IGSF9: variants seen among roughly 807,000 people sequenced by gnomAD.
The protein encoded by IGSF9 is immunoglobulin superfamily member 9, also known as protein turtle homolog A.
Under a neutral mutation model 121.7 loss-of-function variants are expected in IGSF9, and 87 were observed. That is an observed-to-expected ratio of 0.71 (90% CI 0.60 to 0.85). The LOEUF is 0.85. Ranked by LOEUF, IGSF9 falls within the 40% of genes least tolerant of loss-of-function variation. The pLI, the probability that IGSF9 is intolerant of heterozygous loss-of-function variation, is 0.00. For synonymous variants in IGSF9, 640 were observed against 648.4 expected (o/e 0.99, Z 0.20); for missense variants, 1,462 against 1,565.3 (o/e 0.93, Z 1.11).
At chr1:159,927,944 T>G in intron 19 of IGSF9, 57 bp from the exon 20 acceptor site, 1 of 1,578,982 alleles carries the variant, frequency 6.3e-7, no homozygotes, top group African/African-American at 1.4e-5. Context: ...TAGAGGCTGT[T>G]CAGAAAAGTC....
At position 159,934,672 on chromosome 1, in the gene IGSF9, T is replaced by C; in HGVS notation, c.815+9A>G. ...CCCACCTCCACCTTCCTAATGAGGG[T>C]GACCCCACCTAATGTGGAAGACATT... On this transcript the variant is annotated intron_variant, in intron 7 of 20. Transcript: ENST00000368094. 1 of 1,614,170 alleles carries C rather than the reference T, an allele frequency of 6.2e-7. No homozygotes were observed. The highest frequency in any genetic ancestry group is 1.1e-5 in the South Asian group (1 of 91,084).
In IGSF9 at chr1:159,943,475, C is replaced by A; in HGVS notation, c.-21G>T. On this transcript the variant is annotated 5_prime_UTR_variant, in exon 2 of 21. Coordinates refer to ENST00000368094, the MANE Select transcript of IGSF9 (RefSeq NM_001135050.2). ...ACCATAGCCCAGCTGGCCTGCTCAC[C>A]CAGCCCCTCCTATCCACAGGAGCCC... The A allele has an allele frequency of 6.5e-7, 1 of 1,540,170 alleles. No homozygotes were observed. The highest frequency in any genetic ancestry group is 8.7e-7 in the Non-Finnish European group (1 of 1,143,416).
rs767211801 is a variant in IGSF9, at chr1:159,928,833, C to T, written c.2555G>A (p.Arg852His). 6 of 1,537,764 alleles carry T rather than the reference C, an allele frequency of 3.9e-6. No individual in the cohort carries two copies. Among genetic ancestry groups the T allele is most frequent in the South Asian group, 2.5e-5 (2 of 80,402 alleles). The change falls in exon 19 of 21, where the codon CGC becomes CAC. Residue 852 changes from arginine (R) to histidine (H), a missense_variant. By Grantham distance (29) the Arg-to-His change is conservative (BLOSUM62 0). Coordinates refer to ENST00000368094, the MANE Select transcript of IGSF9 (RefSeq NM_001135050.2). ...CGCCACAGTGGGCCCCATCACAAAG[C>T]GCCCGTCTGGGCCCCGGCAAATGGG... ...LEPICRGPDG[R>H]FVMGPTVAAP...
In IGSF9 at chr1:159,927,275, C is replaced by G; in HGVS notation, c.*70G>C. On this transcript the variant is annotated 3_prime_UTR_variant, in exon 21 of 21. Coordinates refer to ENST00000368094, the MANE Select transcript of IGSF9 (RefSeq NM_001135050.2). ...GCAGGGGCAGTGCCCTCGTTTGAAA[C>G]TAGGTCTGTCTGGTTGGGGGCCTCC... 2 of 1,586,880 alleles carry G rather than the reference C, an allele frequency of 1.3e-6. No homozygotes were observed. Among genetic ancestry groups the G allele is most frequent in the Admixed American group, 3.3e-5 (2 of 59,922 alleles).
Position 159,930,949 on chromosome 1 carries a change from C to T in IGSF9, c.1638-82G>A, listed in dbSNP as rs1650975515. 3.4e-6 allele frequency: 5 copies of T among 1,452,258 alleles called. No homozygotes were observed. In the South Asian group the frequency reaches 6.8e-5, roughly 20 times the overall value. 90.0% of individuals were successfully genotyped at this position (1,452,258 alleles called of 1,614,324 possible). A position where few individuals can be genotyped will look rare whatever the true frequency, so the allele number is the denominator to read the frequency against. ...GGGGTCCAGAGATCTAACCACCTCC[C>T]CTCTGCTCAACCATCCAAGGTCTCA... On this transcript the variant is annotated intron_variant, in intron 13 of 20. Transcript: ENST00000368094.
chr1:159,932,418 C>G lies in IGSF9; in HGVS notation c.1245+94G>C. The G allele has an allele frequency of 4.3e-4, 344 of 801,238 alleles. No individual in the cohort carries two copies. The highest frequency in any genetic ancestry group is 5.2e-4 in the Non-Finnish European group (262 of 501,974). The allele number at this position is 801,238 out of a possible 1,614,324, so 49.6% of individuals were successfully genotyped here. A position where few individuals can be genotyped will look rare whatever the true frequency, so the allele number is the denominator to read the frequency against. ...AACTTGGAAACCCCTCCCCATGTGTCTGCCCCACCCCACCCCCATCAGCCT... is the reference window on the plus strand; with the variant it reads ...AACTTGGAAACCCCTCCCCATGTGTGTGCCCCACCCCACCCCCATCAGCCT... On this transcript the variant is annotated intron_variant, in intron 10 of 20. Transcript: ENST00000368094. The surrounding 1 kb of genome is among the most constrained non-coding windows in gnomAD (Gnocchi z 4.1).
intron 3 of IGSF9, among the ~76,000 whole-genome samples, 181 bp from the exon 4 acceptor site, chr1:159,938,019 C>T (rs1353996362): frequency 6.6e-6 from 1 of 152,190 alleles, no homozygotes; most frequent in Non-Finnish European, 1.5e-5. Flanking sequence ...CTCCATTCGG[C>T]CCCTCTGACC....
At chr1:159,944,401 C>T (rs897833375) in intron 1 of IGSF9, among the ~76,000 whole-genome samples, 5 of 152,112 alleles carry the variant, frequency 3.3e-5, no homozygotes, top group Non-Finnish European at 5.9e-5. Context: ...GGACAGGTCC[C>T]GGGGCTGGCA....
intron 16 of IGSF9, 30 bp from the exon 17 acceptor site, chr1:159,929,844 T>A (rs779807659): frequency 1.9e-6 from 3 of 1,593,632 alleles, no homozygotes; most frequent in Non-Finnish European, 2.6e-6. Context: ...GGAGGGTCAG[T>A]GGACTCGGAG....
At position 159,931,052 on chromosome 1, in the gene IGSF9, G is replaced by T. The variant is rs1217254436; in HGVS notation, c.1637+86C>A. 1 of 1,583,742 alleles carries T rather than the reference G, an allele frequency of 6.3e-7. No individual in the cohort carries two copies. Among genetic ancestry groups the T allele is most frequent in the Admixed American group, 1.7e-5 (1 of 58,276 alleles). ...ACTGGTGAGGGATAGAGGGACAGAA[G>T]AAAGGGCAGAAGGCCAGATAGGTTC... On this transcript the variant is annotated intron_variant, in intron 13 of 20. Coordinates refer to ENST00000368094, the MANE Select transcript of IGSF9 (RefSeq NM_001135050.2). The surrounding 1 kb of genome is among the most constrained non-coding windows in gnomAD (Gnocchi z 4.8).
At chr1:159,930,011 GGCCCAGCACC>G (rs773220597) in intron 15 of IGSF9, 36 bp from the exon 16 acceptor site, 11 of 1,587,990 alleles carry the variant, frequency 6.9e-6, no homozygotes, top group African/African-American at 1.3e-5. Context: ...GGGAGGTCAG[GGCCCAGCACC>G]GCCCAACCCA....
chr1:159,933,903 A>G (rs1199363073), intron 9 of IGSF9: 1 of 460,812 alleles, frequency 2.2e-6, no homozygotes, highest in Non-Finnish European at 3.9e-6. Flanking sequence ...TCATCACACG[A>G]AAGAAACTTC....
chr1:159,927,485 G>T lies in IGSF9; in HGVS notation c.3400C>A (p.His1134Asn), dbSNP rs1362012900. Reference sequence around the variant, plus strand: ...CAGCGGGCCTCAGGGCCAGTAACATGGGCAGTGTTCAGGAGGCAGCCCTCC... The same window carrying T: ...CAGCGGGCCTCAGGGCCAGTAACATTGGCAGTGTTCAGGAGGCAGCCCTCC... ...PEEGCLLNTA[H>N]VTGPEARCAA... Residue 1134 changes from histidine to asparagine, a missense_variant, in exon 21 of 21, where the codon CAT (histidine) becomes AAT (asparagine). Physicochemically the swap from His to Asn is moderately conservative, Grantham distance 68. Transcript: ENST00000368094. The T allele has an allele frequency of 1.2e-6, 2 of 1,614,140 alleles. No homozygotes were observed. Among genetic ancestry groups the T allele is most frequent in the Admixed American group, 3.3e-5 (2 of 60,030 alleles).
intron 9 of IGSF9, 180 bp downstream of exon 9, chr1:159,934,010 A>T (rs1418599780): frequency 1.4e-6 from 1 of 691,734 alleles, no homozygotes; most frequent in Non-Finnish European, 2.4e-6. Context: ...AACCATGGAA[A>T]TTTTTCCTCA....
At chr1:159,936,610 G>A in intron 5 of IGSF9, 94 bp from the exon 6 acceptor site, 1 of 1,525,418 alleles carries the variant, frequency 6.6e-7, no homozygotes. Context: ...CAGCACCCCA[G>A]GCTCGGGGCA....
Position 159,929,697 on chromosome 1 carries a change from G to A in IGSF9, c.2267C>T (p.Ala756Val), listed in dbSNP as rs1328988522. 6.3e-7 allele frequency: 1 copy of A among 1,598,490 alleles called. No homozygotes were observed. Among genetic ancestry groups the A allele is most frequent in the South Asian group, 1.1e-5 (1 of 88,520 alleles). ...LGVAVLVSIL[A>V]GCLLNRRRAA... Reference sequence around the variant, plus strand: ...CCTGCGCCGGTTCAGGAGGCAGCCGGCCAGGATGCTCACAAGGACGGCCAC... The same window carrying A: ...CCTGCGCCGGTTCAGGAGGCAGCCGACCAGGATGCTCACAAGGACGGCCAC... The change falls in exon 17 of 21, where the codon GCC becomes GTC. Residue 756 changes from alanine (A) to valine (V), a missense_variant. By Grantham distance (64) the Ala-to-Val change is moderately conservative (BLOSUM62 0). Transcript: ENST00000368094.
rs149407126 is a variant in IGSF9, at chr1:159,932,524, G to A, written c.1233C>T (p.Arg411=). ...CCCCCGGCCTAACCTTGAGCAGCAC[G>A]CGGGTCACAGGAGAGGGCCCGGCGG... is the stretch of plus-strand genomic sequence containing the variant. ...LGTAGPSPVT[R]VLLKAPPAFI... Residue 411 remains arginine, a synonymous_variant, in exon 10 of 21, where the codon CGC becomes CGT. Transcript: ENST00000368094. This position sits in a 1 kb window ranked among gnomAD's most constrained non-coding sequence, Gnocchi z 4.1. 2.1e-5 allele frequency: 33 copies of A among 1,597,746 alleles called. No individual in the cohort carries two copies. Among genetic ancestry groups the A allele is most frequent in the East Asian group, 4.6e-5 (2 of 43,778 alleles).
intron 4 of IGSF9, among the ~76,000 whole-genome samples, chr1:159,937,114 G>A (rs918454385): frequency 3.3e-5 from 5 of 152,288 alleles, no homozygotes; most frequent in South Asian, 2.1e-4. Context: ...ACTGGCCTGG[G>A]GCTGAACCCA....
Position 159,934,800 on chromosome 1 carries a change from G to A in IGSF9, c.696C>T (p.Pro232=), listed in dbSNP as rs769609245. ...AGGCATTGACTGTGCTGTTCTTGGG[G>A]GGCACCACGATGACTGGGGGTCCTG... The part of the protein sequence containing the change: ...LVLGPPVIVV[P]PKNSTVNASQ... The change falls in exon 7 of 21, where the codon CCC becomes CCT. Residue 232 remains proline, a synonymous_variant. Coordinates refer to ENST00000368094, the MANE Select transcript of IGSF9 (RefSeq NM_001135050.2). 14 of 1,614,030 alleles carry A rather than the reference G, an allele frequency of 8.7e-6. No homozygotes were observed. The African/African-American group carries it at 1.6e-4, about 18-fold the overall frequency.
Sources: gnomAD v4.1 joint callset for allele counts (sites outside exome capture counted in the v4.1 genomes callset) on GRCh38, gnomAD v4.1.1 for gene constraint, Gnocchi (gnomAD v3.1) non-coding constraint, MANE v1.5 for transcripts, NCBI Gene and HGNC (gene_info 2026-07-23, HGNC 2026-07-21) for gene names.